Variants in PDE11A observed in about 807,000 individuals in gnomAD.
The protein encoded by PDE11A is phosphodiesterase 11A.
Under a neutral mutation model 100.5 loss-of-function variants are expected in PDE11A, and 100 were observed. That is an observed-to-expected ratio of 1.00 (90% confidence interval 0.85 to 1.18). The LOEUF is 1.18. Ranked by LOEUF, PDE11A falls within the 50% of genes most tolerant of loss-of-function variation. The probability of loss-of-function intolerance (pLI) is 0.00; values close to 1 mark genes in which losing one functional copy is unlikely to be tolerated. For missense variants in PDE11A, 1,141 were observed against 1,152.6 expected (o/e 0.99, Z 0.15); for synonymous variants, 381 against 420.8 (o/e 0.91, Z 1.16).
intron 6 of PDE11A, among the ~76,000 whole-genome samples, chr2:177,837,046 C>T (rs1365592527): frequency 7.9e-5 from 12 of 152,314 alleles, no homozygotes; most frequent in East Asian, 3.9e-4. Flanking sequence ...AGAAACCTGA[C>T]GTGCCAGCAA....
chr2:177,997,545 CTTCTGTTTTCTG>C, intron 2 of PDE11A: 1 of 838,820 alleles, frequency 1.2e-6, no homozygotes, highest in Admixed American at 1.7e-5. Context: ...ATTTTGTTCT[CTTCTGTTTTCTG>C]TTCTTTTCTG....
At chr2:177,748,646 T>A (rs1019154919) in intron 10 of PDE11A, among the ~76,000 whole-genome samples, 4 of 152,154 alleles carry the variant, frequency 2.6e-5, no homozygotes, top group Non-Finnish European at 4.4e-5. Context: ...TTTTTTTTTT[T>A]ATTCTTTTAA....
intron 4 of PDE11A, among the ~76,000 whole-genome samples, chr2:177,884,116 G>T (rs990488371): frequency 6.6e-5 from 10 of 152,258 alleles, no homozygotes; most frequent in African/African-American, 2.4e-4. Flanking sequence ...AGGTAGTTGG[G>T]GAGTGGAGAG....
At chr2:177,784,770 G>A (rs944837971) in intron 9 of PDE11A, among the ~76,000 whole-genome samples, 4 of 152,172 alleles carry the variant, frequency 2.6e-5, no homozygotes, top group Non-Finnish European at 5.9e-5. Flanking sequence ...GCTTATGAAA[G>A]CAATCTGATT....
At chr2:178,077,260 CTTTTTTTTTTTTTT>C (rs57259393), upstream of PDE11A, among the ~76,000 whole-genome samples, 151 of 98,654 alleles carry the variant, frequency 1.5e-3, no homozygotes, top group Admixed American at 2.7e-3. Flanking sequence ...TTCTTTCTTT[CTTTTTTTTTTTTTT>C]TTTTTTTTTG....
chr2:177,794,601 C>G (rs2082678852), intron 9 of PDE11A, among the ~76,000 whole-genome samples: 1 of 152,160 alleles, frequency 6.6e-6, no homozygotes, highest in Non-Finnish European at 1.5e-5. Flanking sequence ...TTCTGTTAAG[C>G]TCAGGGGCTG....
intron 15 of PDE11A, among the ~76,000 whole-genome samples, chr2:177,689,152 G>A (rs781420369): frequency 1.3e-4 from 20 of 152,054 alleles, no homozygotes; most frequent in Non-Finnish European, 2.2e-4. Context: ...GCGTGATCTC[G>A]GCTCACCGCA....
intron 12 of PDE11A, among the ~76,000 whole-genome samples, chr2:177,714,423 A>G (rs2081406084): frequency 6.6e-6 from 1 of 152,210 alleles, no homozygotes; most frequent in African/African-American, 2.4e-5. Context: ...TGGAGTTCTC[A>G]TAACAGTCCT....
intron 4 of PDE11A, among the ~76,000 whole-genome samples, chr2:177,896,533 G>T (rs930752375): frequency 1.3e-5 from 2 of 152,136 alleles, no homozygotes; most frequent in African/African-American, 4.8e-5. Flanking sequence ...AGGTTATCCT[G>T]GCAGCCAAAG....
intron 8 of PDE11A, among the ~76,000 whole-genome samples, 199 bp from the exon 9 acceptor site, chr2:177,817,120 GA>G (rs948136858): frequency 2.8e-5 from 4 of 143,754 alleles, no homozygotes; most frequent in African/African-American, 1.0e-4. Context: ...TGCACATGAG[GA>G]AAAATTATGA....
chr2:178,014,481 G>T, intron 1 of PDE11A, 21 bp from the exon 2 acceptor site: 1 of 1,596,146 alleles, frequency 6.3e-7, no homozygotes, highest in Non-Finnish European at 8.6e-7. Flanking sequence ...GACAAAGAAA[G>T]CATTAACTGC....
At chr2:177,977,313 C>G (rs1052500148) in intron 2 of PDE11A, among the ~76,000 whole-genome samples, 1 of 146,682 alleles carries the variant, frequency 6.8e-6, no homozygotes, top group African/African-American at 2.5e-5. Context: ...AACAGAGAGC[C>G]AAATCATGGG....
Position 177,748,172 on chromosome 2 carries a change from C to T in PDE11A, c.1789-20000G>A, listed in dbSNP as rs187737089. On this transcript the variant is annotated intron_variant, in intron 10 of 19. Transcript: ENST00000286063. ...AAGAAAGCTCCAGCACATGGAAACA[C>T]GTTTAATAAATCCAATAAATGATAT... Among the ~76,000 whole-genome samples, 6 of 152,172 alleles carry T rather than the reference C, an allele frequency of 3.9e-5. No individual in the cohort carries two copies. In the South Asian group the frequency reaches 6.2e-4, roughly 16 times the overall value.
intron 1 of PDE11A, among the ~76,000 whole-genome samples, chr2:178,055,836 T>C (rs777562270): frequency 1.1e-4 from 17 of 152,134 alleles, no homozygotes; most frequent in Non-Finnish European, 1.9e-4. Flanking sequence ...TGTACACTTA[T>C]AGAAAATTTG....
chr2:178,088,303 T>A (rs1559068098), intron 2 of PDE11A, among the ~76,000 whole-genome samples: 1 of 152,232 alleles, frequency 6.6e-6, no homozygotes. Context: ...GGAGGAAGAA[T>A]AAGCAAAACA....
intron 12 of PDE11A, among the ~76,000 whole-genome samples, chr2:177,713,830 C>A (rs2081392130): frequency 6.6e-6 from 1 of 151,934 alleles, no homozygotes; most frequent in Non-Finnish European, 1.5e-5. Context: ...TAAATTATTA[C>A]CTGCAGTAAC....
rs545743988 is a variant in PDE11A at position 177,654,566 on chromosome 2, T to C, written c.2646+9300A>G. On this transcript the variant is annotated intron_variant, in intron 19 of 19. Transcript: ENST00000286063. ...ACAATGTAAAAATTATGTAGAAACATGGAAACATATTAAGAACTTTATGTT... is the reference window on the plus strand; with the variant it reads ...ACAATGTAAAAATTATGTAGAAACACGGAAACATATTAAGAACTTTATGTT... 6.6e-5 allele frequency among the ~76,000 whole-genome samples: 10 copies of C among 152,142 alleles called. No individual in the cohort carries two copies. The South Asian group carries it at 1.9e-3, about 28-fold the overall frequency.
chr2:177,971,044 G>C (rs2085762873), intron 2 of PDE11A, among the ~76,000 whole-genome samples: 1 of 152,190 alleles, frequency 6.6e-6, no homozygotes, highest in Admixed American at 6.5e-5. Context: ...ATTCACACTT[G>C]AGTAATAAAG....
intron 2 of PDE11A, among the ~76,000 whole-genome samples, chr2:178,103,232 C>G (rs1322591589): frequency 1.3e-5 from 2 of 151,990 alleles, no homozygotes; most frequent in Non-Finnish European, 2.9e-5. Flanking sequence ...TTAGATGGGC[C>G]TTGAAAACAT....
Sources: gnomAD v4.1 joint callset for allele counts (sites outside exome capture counted in the v4.1 genomes callset) on GRCh38, gnomAD v4.1.1 for gene constraint, MANE v1.5 for transcripts, NCBI Gene and HGNC (gene_info 2026-07-23, HGNC 2026-07-21) for gene names.